The following SLC25A21 variants were observed in gnomAD, a reference collection of about 807,000 sequenced individuals.
SLC25A21 encodes mitochondrial 2-oxodicarboxylate carrier.
Under a neutral mutation model 43.8 loss-of-function variants are expected in SLC25A21, and 47 were observed. The observed-to-expected ratio is 1.07, with a 90% CI of 0.85 to 1.37. The LOEUF (loss-of-function observed/expected upper bound fraction) is 1.37. Ranked by LOEUF, SLC25A21 falls within the 40% of genes most tolerant of loss-of-function variation. The pLI, the probability that SLC25A21 is intolerant of heterozygous loss-of-function variation, is 0.00. For missense variants in SLC25A21, 352 were observed against 350.2 expected (o/e 1.00, Z -0.04); for synonymous variants, 131 against 121.3 (o/e 1.08, Z -0.52).
At chr14:36,887,179 TGA>T (rs1196671900) in intron 1 of SLC25A21, among the ~76,000 whole-genome samples, 2 of 150,086 alleles carry the variant, frequency 1.3e-5, no homozygotes, top group African/African-American at 4.9e-5. Flanking sequence ...TATGAATATG[TGA>T]GATATGTAAT....
At chr14:36,977,018 C>A (rs1959890228) in intron 1 of SLC25A21, among the ~76,000 whole-genome samples, 1 of 152,168 alleles carries the variant, frequency 6.6e-6, no homozygotes. Flanking sequence ...TTTTCAAAAC[C>A]ATAAGTTTTC....
chr14:36,841,134 T>C (rs544119177), intron 2 of SLC25A21, among the ~76,000 whole-genome samples: 10 of 152,240 alleles, frequency 6.6e-5, no homozygotes, highest in African/African-American at 9.6e-5. Context: ...AACATGCCCT[T>C]AGTTTGTCGA....
chr14:36,754,362 C>T (rs1326693106), intron 3 of SLC25A21, among the ~76,000 whole-genome samples: 1 of 152,114 alleles, frequency 6.6e-6, no homozygotes, highest in African/African-American at 2.4e-5. Flanking sequence ...GACTGCAAAC[C>T]TACCACTCTT....
At chr14:37,102,377 A>G (rs1047251843) in intron 1 of SLC25A21, among the ~76,000 whole-genome samples, 4 of 151,414 alleles carry the variant, frequency 2.6e-5, no homozygotes, top group Non-Finnish European at 5.9e-5. Context: ...AGGGAGGTGG[A>G]GGTTTCAGTG....
intron 1 of SLC25A21, among the ~76,000 whole-genome samples, chr14:36,932,702 T>C (rs930141884): frequency 1.3e-5 from 2 of 151,994 alleles, no homozygotes; most frequent in Non-Finnish European, 2.9e-5. Flanking sequence ...TTAAACTTGA[T>C]GGACCTGAGA....
intron 2 of SLC25A21, among the ~76,000 whole-genome samples, chr14:36,865,205 C>A (rs1890181066): frequency 1.3e-5 from 2 of 152,024 alleles, no homozygotes; most frequent in South Asian, 4.1e-4. Context: ...TTCACAGACC[C>A]TGGCTTCACA....
intron 1 of SLC25A21, among the ~76,000 whole-genome samples, chr14:37,113,586 G>A (rs986862356): frequency 3.9e-5 from 6 of 152,036 alleles, no homozygotes; most frequent in African/African-American, 1.4e-4. Flanking sequence ...GGGAGTGTTG[G>A]CTCACACCAG....
chr14:36,872,195 G>C (rs1349762426), intron 2 of SLC25A21, among the ~76,000 whole-genome samples: 1 of 152,094 alleles, frequency 6.6e-6, no homozygotes, highest in African/African-American at 2.4e-5. Context: ...TATGGATATG[G>C]CTCATTTTCC....
At position 37,076,815 on chromosome 14, in the gene SLC25A21, C is replaced by G. The variant is rs141914700; in HGVS notation, c.70+95466G>C. 7.9e-5 allele frequency among the ~76,000 whole-genome samples: 12 copies of G among 152,204 alleles called. No homozygotes were observed. The East Asian group carries it at 2.3e-3, about 29-fold the overall frequency. ...AGACTTCTTAATGTTTAATATGAGC[C>G]TGAGTTAGAGCATGGAACATGGGGA... On this transcript the variant is annotated intron_variant, in intron 1 of 9. Coordinates refer to ENST00000331299, the MANE Select transcript of SLC25A21 (RefSeq NM_030631.4).
At chr14:36,903,838 G>A (rs1014025969) in intron 1 of SLC25A21, among the ~76,000 whole-genome samples, 1 of 152,024 alleles carries the variant, frequency 6.6e-6, no homozygotes, top group Non-Finnish European at 1.5e-5. Flanking sequence ...TCTGACTTTC[G>A]GATTAGCCAT....
chr14:36,913,594 C>T (rs1481048509), intron 1 of SLC25A21, among the ~76,000 whole-genome samples: 1 of 152,088 alleles, frequency 6.6e-6, no homozygotes, highest in African/African-American at 2.4e-5. Flanking sequence ...AGGATAAGAA[C>T]GAGTTGTTTG....
chr14:36,773,623 G>A (rs897990720), intron 3 of SLC25A21, among the ~76,000 whole-genome samples: 14 of 152,178 alleles, frequency 9.2e-5, no homozygotes, highest in Non-Finnish European at 1.5e-4. Context: ...CATACTAACA[G>A]CAAATATAAT....
At chr14:36,763,373 T>C (rs1886237427) in intron 3 of SLC25A21, among the ~76,000 whole-genome samples, 1 of 152,210 alleles carries the variant, frequency 6.6e-6, no homozygotes, top group Non-Finnish European at 1.5e-5. Flanking sequence ...GCTGGAGATA[T>C]TAGGGTGAAT....
chr14:37,043,315 G>A (rs764187232), intron 1 of SLC25A21, among the ~76,000 whole-genome samples: 9 of 152,124 alleles, frequency 5.9e-5, no homozygotes, highest in Non-Finnish European at 1.2e-4. Flanking sequence ...AACCATTCCT[G>A]CTTCAATTCT....
At chr14:36,757,256 T>C (rs564027154) in intron 3 of SLC25A21, among the ~76,000 whole-genome samples, 1 of 152,212 alleles carries the variant, frequency 6.6e-6, no homozygotes, top group Non-Finnish European at 1.5e-5. Flanking sequence ...AGATCCTGTC[T>C]CAAATAAAAA....
chr14:37,156,398 A>T (rs1963850944), intron 1 of SLC25A21, among the ~76,000 whole-genome samples: 1 of 152,120 alleles, frequency 6.6e-6, no homozygotes, highest in African/African-American at 2.4e-5. Context: ...TTAATATGAC[A>T]GGAACAAAGC....
At chr14:36,897,238 C>A (rs1348791416) in intron 1 of SLC25A21, among the ~76,000 whole-genome samples, 1 of 152,148 alleles carries the variant, frequency 6.6e-6, no homozygotes, top group Non-Finnish European at 1.5e-5. Context: ...TTGTTCATTT[C>A]TTTTTATTCT....
intron 1 of SLC25A21, among the ~76,000 whole-genome samples, chr14:37,015,886 G>C (rs1960843446): frequency 6.6e-6 from 1 of 152,102 alleles, no homozygotes; most frequent in Non-Finnish European, 1.5e-5. Flanking sequence ...TGTTGATGGG[G>C]TTGTTTGCTT....
intron 7 of SLC25A21, among the ~76,000 whole-genome samples, chr14:36,688,320 T>G (rs2139146516): frequency 6.6e-6 from 1 of 152,340 alleles, no homozygotes; most frequent in Non-Finnish European, 1.5e-5. Context: ...TATGGCCCAC[T>G]TAGTGTTCAG....
Sources: gnomAD v4.1 joint callset for allele counts (sites outside exome capture counted in the v4.1 genomes callset) on GRCh38, gnomAD v4.1.1 for gene constraint, MANE v1.5 for transcripts, NCBI Gene and HGNC (gene_info 2026-07-23, HGNC 2026-07-21) for gene names.